ARHGEF12: variants seen among roughly 807,000 people sequenced by gnomAD.
The protein encoded by ARHGEF12 is KMT2A/ARHGEF12 fusion protein.
In ARHGEF12, 66 loss-of-function variants were observed where a neutral mutation model predicts 211.2. The ratio of observed to expected loss-of-function variants is 0.31; its 90% CI spans 0.26 to 0.38. The LOEUF (loss-of-function observed/expected upper bound fraction) is 0.38, where lower values mean the gene tolerates loss of function less well. ARHGEF12 is among the 10% of genes least tolerant of loss of function. The probability of loss-of-function intolerance (pLI) is 1.00; values close to 1 mark genes in which losing one functional copy is unlikely to be tolerated. For missense variants in ARHGEF12, 1,429 were observed against 1,869.5 expected, an observed-to-expected ratio of 0.76 and a Z score of 4.34; for synonymous variants, 592 against 638.4, an observed-to-expected ratio of 0.93 and a Z score of 1.09.
chr11:120,452,458 G>T (rs1946239979), intron 22 of ARHGEF12, among the ~76,000 whole-genome samples: 2 of 152,154 alleles, frequency 1.3e-5, no homozygotes, highest in Non-Finnish European at 2.9e-5. Flanking sequence ...TGAGGCTCTG[G>T]GAGTGGTCCC....
At chr11:120,351,177 G>A (rs998262158) in intron 1 of ARHGEF12, among the ~76,000 whole-genome samples, 10 of 150,540 alleles carry the variant, frequency 6.6e-5, no homozygotes, top group Non-Finnish European at 1.2e-4. Flanking sequence ...GTGAAACCCC[G>A]TCTCTACTAA....
At chr11:120,483,166 C>T (rs1947299708) in intron 39 of ARHGEF12, among the ~76,000 whole-genome samples, 1 of 151,512 alleles carries the variant, frequency 6.6e-6, no homozygotes, top group Non-Finnish European at 1.5e-5. Flanking sequence ...TCTCTCAACA[C>T]TATTACTGAA....
Position 120,486,898 on chromosome 11 carries a change from G to A in ARHGEF12, c.*1821G>A. The A allele has an allele frequency of 4.7e-6, 1 of 211,590 alleles. No homozygotes were observed. Among genetic ancestry groups the A allele is most frequent in the Non-Finnish European group, 9.6e-6 (1 of 104,406 alleles). 13.1% of individuals were successfully genotyped at this position (211,590 alleles called of 1,614,324 possible). ...ATTGAAATTATATTTTTAGTCATAA[G>A]CCAAGTACAATCTAACTCAGAATGG... On this transcript the variant is annotated 3_prime_UTR_variant, in exon 41 of 41. Transcript: ENST00000397843.
intron 2 of ARHGEF12, 125 bp from the exon 3 acceptor site, chr11:120,407,613 T>G (rs1036993172): frequency 3.1e-6 from 2 of 645,346 alleles, no homozygotes; most frequent in Non-Finnish European, 2.7e-6. Flanking sequence ...TTAGAGAGGC[T>G]TATGGTGCTG....
intron 16 of ARHGEF12, among the ~76,000 whole-genome samples, chr11:120,445,969 AG>A (rs1317788429): frequency 6.6e-6 from 1 of 152,078 alleles, no homozygotes; most frequent in Non-Finnish European, 1.5e-5. Flanking sequence ...TGGGAGGCCG[AG>A]GCGGGTGGAT....
At chr11:120,337,353 C>T (rs1163272907) in intron 1 of ARHGEF12, 78 bp downstream of exon 1, 1 of 1,604,690 alleles carries the variant, frequency 6.2e-7, no homozygotes, top group African/African-American at 1.3e-5. Context: ...TTGCAGATTG[C>T]CTTTGGCCAG....
chr11:120,457,542 A>G (rs546127382), intron 23 of ARHGEF12, 179 bp from the exon 24 acceptor site: 1 of 464,110 alleles, frequency 2.2e-6, no homozygotes, highest in Non-Finnish European at 3.7e-6. Context: ...CAGAACTCAT[A>G]ACTGAAATGT....
At chr11:120,445,905 AAAT>A (rs1305140735) in intron 16 of ARHGEF12, among the ~76,000 whole-genome samples, 3 of 151,154 alleles carry the variant, frequency 2.0e-5, no homozygotes, top group African/African-American at 7.3e-5. Context: ...GTCTCAAAAA[AAAT>A]AATAATATGG....
chr11:120,366,909 G>C (rs1279506010), intron 1 of ARHGEF12, among the ~76,000 whole-genome samples: 1 of 152,140 alleles, frequency 6.6e-6, no homozygotes, highest in Non-Finnish European at 1.5e-5. Context: ...CCAGCTACTT[G>C]GGAGGCTGAG....
intron 7 of ARHGEF12, among the ~76,000 whole-genome samples, chr11:120,425,824 A>T (rs776189285): frequency 1.3e-5 from 2 of 152,154 alleles, no homozygotes; most frequent in African/African-American, 2.4e-5. Context: ...AAAAGGAATT[A>T]AAAAAAGAAT....
Position 120,389,498 on chromosome 11 carries a change from G to A in ARHGEF12, c.33-16620G>A, listed in dbSNP as rs1944143444. ...TTTTGTGGGTACCTAGTAAGTGTAT[G>A]TATTTATGGATTACATCAGATATTT... On this transcript the variant is annotated intron_variant, in intron 1 of 40. Transcript: ENST00000397843. Among the ~76,000 whole-genome samples the A allele has an allele frequency of 2.6e-5, 4 of 152,130 alleles. No individual in the cohort carries two copies. The South Asian group carries it at 8.3e-4, about 32-fold the overall frequency.
chr11:120,449,496 C>T (rs149675911), intron 21 of ARHGEF12: 14 of 301,898 alleles, frequency 4.6e-5, no homozygotes, highest in Middle Eastern at 9.6e-4. Flanking sequence ...TTCAGGAGAT[C>T]GAGACCATCC....
rs770388617 is a variant in ARHGEF12, at chr11:120,465,269, T to C, written c.2646T>C (p.His882=). 40 of 1,614,050 alleles carry C rather than the reference T, an allele frequency of 2.5e-5. No homozygotes were observed. The highest frequency in any genetic ancestry group is 3.1e-5 in the Non-Finnish European group (37 of 1,180,016). ...FSGPGEEKLK[H]AAATFCSNQP... is the part of the protein sequence containing the mutation. ...GACCAGGAGAGGAGAAATTGAAACA[T>C]GCTGCTGCTACCTTTTGCAGTAACC... The change falls in exon 28 of 41, where the codon CAT becomes CAC. Residue 882 remains histidine (H), a synonymous_variant. Transcript: ENST00000397843.
intron 27 of ARHGEF12, 111 bp from the exon 28 acceptor site, chr11:120,465,126 T>C (rs1946661455): frequency 7.3e-7 from 1 of 1,372,666 alleles, no homozygotes; most frequent in East Asian, 2.3e-5. Flanking sequence ...TGCAGTTCTG[T>C]GTATTTTGTC....
rs1044116159 is a variant in ARHGEF12, at chr11:120,487,416, G to T, written c.*2339G>T. Reference sequence around the variant, plus strand: ...ATTCTGAAAATATCTCACAATTTTTGAATGTTCTTTTTATCTTACCGACCT... The same window carrying T: ...ATTCTGAAAATATCTCACAATTTTTTAATGTTCTTTTTATCTTACCGACCT... On this transcript the variant is annotated 3_prime_UTR_variant, in exon 41 of 41. Coordinates refer to ENST00000397843, the MANE Select transcript of ARHGEF12 (RefSeq NM_015313.3). The T allele has an allele frequency of 3.9e-4, 86 of 217,780 alleles. No individual in the cohort carries two copies. Among genetic ancestry groups the T allele is most frequent in the African/African-American group, 1.7e-3 (77 of 44,488 alleles). The allele number at this position is 217,780 out of a possible 1,614,324, so 13.5% of individuals were successfully genotyped here. A position where few individuals can be genotyped will look rare whatever the true frequency, so the allele number is the denominator to read the frequency against.
At chr11:120,448,198 C>T (rs1464654097) in intron 19 of ARHGEF12, 36 bp from the exon 20 acceptor site, 2 of 1,475,376 alleles carry the variant, frequency 1.4e-6, no homozygotes, top group African/African-American at 2.8e-5. Flanking sequence ...CCTCCCTTCT[C>T]AGAAGTCTTA....
At chr11:120,375,384 G>T (rs1377084597) in intron 1 of ARHGEF12, among the ~76,000 whole-genome samples, 1 of 151,586 alleles carries the variant, frequency 6.6e-6, no homozygotes, top group African/African-American at 2.4e-5. Context: ...TTCCTTTTAT[G>T]TTTTCTCTTT....
At chr11:120,394,760 A>T (rs1276037336) in intron 1 of ARHGEF12, among the ~76,000 whole-genome samples, 3 of 150,880 alleles carry the variant, frequency 2.0e-5, no homozygotes, top group Admixed American at 6.6e-5. Context: ...TTCAGATATT[A>T]AAAAAAAATA....
rs1002911306 is a variant in ARHGEF12, at chr11:120,481,509, G to C, written c.4487G>C (p.Cys1496Ser). The change falls in exon 39 of 41, where the codon TGT becomes TCT. Residue 1496 changes from cysteine to serine, a missense_variant. Physicochemically the swap from Cys to Ser is moderately radical, Grantham distance 112. Around this residue, in one of 7 missense-constraint regions of ARHGEF12, gnomAD observed 467 missense variants for 468.4 expected, o/e 1.00. Coordinates refer to ENST00000397843, the MANE Select transcript of ARHGEF12 (RefSeq NM_015313.3). ...SCFEIQSPSS[C>S]ADSQSQIMEY... ...TTTGAGATCCAGAGTCCCTCCTCTT[G>C]TGCAGATTCACAGAGCCAGATCATG... 2.0e-5 allele frequency: 33 copies of C among 1,614,216 alleles called. No homozygotes were observed. Among genetic ancestry groups the C allele is most frequent in the Non-Finnish European group, 2.8e-5 (33 of 1,180,034 alleles).
Sources: allele counts gnomAD v4.1 joint callset (sites outside exome capture counted in the v4.1 genomes callset), GRCh38; gene constraint gnomAD v4.1.1; regional missense constraint gnomAD v4.1.1; transcripts MANE v1.5; gene names NCBI Gene and HGNC (gene_info 2026-07-23, HGNC 2026-07-21).